LRMDA: variants seen among roughly 807,000 people sequenced by gnomAD.
The protein encoded by LRMDA is leucine rich melanocyte differentiation associated, also known as leucine-rich melanocyte differentiation-associated protein.
A neutral mutation model predicts 29.8 loss-of-function variants in LRMDA; 18 were observed. That is an observed-to-expected ratio of 0.60 (90% CI 0.42 to 0.90). The LOEUF is 0.90. Ranked by LOEUF, LRMDA falls within the 40% of genes least tolerant of loss-of-function variation. The probability of loss-of-function intolerance (pLI) is 0.00; values close to 1 mark genes in which losing one functional copy is unlikely to be tolerated. For synonymous variants in LRMDA, 125 were observed against 109.4 expected (o/e 1.14, Z -0.89); for missense variants, 273 against 273.9 (o/e 1.00, Z 0.02).
At position 76,319,922 on chromosome 10, in the gene LRMDA, A is replaced by G. The variant is rs148030099; in HGVS notation, c.517-4479A>G. ...GTGGGAGATTTATGGCTATTAAACAACTTTGTAGCTGCCCCCTTCTTGTTT... is the reference window on the plus strand; with the variant it reads ...GTGGGAGATTTATGGCTATTAAACAGCTTTGTAGCTGCCCCCTTCTTGTTT... On this transcript the variant is annotated intron_variant, in intron 5 of 6. Transcript: ENST00000611255. Among the ~76,000 whole-genome samples, 149 of 152,252 alleles carry G rather than the reference A, an allele frequency of 9.8e-4. 3 individuals carry two copies. In the East Asian group the frequency reaches 0.024, roughly 25 times the overall value.
In LRMDA at chr10:76,363,760, A is replaced by G. The variant is rs555549255; in HGVS notation, c.601+39275A>G. 5.7e-4 allele frequency among the ~76,000 whole-genome samples: 87 copies of G among 151,738 alleles called. 2 individuals carry two copies. In the Middle Eastern group the frequency reaches 0.014, roughly 24 times the overall value. On this transcript the variant is annotated intron_variant, in intron 6 of 6. Transcript: ENST00000611255. The stretch of plus-strand genomic sequence containing the variant: ...GAACTTCTTTCTTAAAGGCGAAGTT[A>G]TTTATTCTTTGGGTTAAGTCAAACA...
chr10:75,578,235 A>AAAAAAAAAAAAAAAC (rs1840535665), intron 2 of LRMDA, among the ~76,000 whole-genome samples: 2 of 148,108 alleles, frequency 1.4e-5, no homozygotes, highest in Non-Finnish European at 3.0e-5. Context: ...AAAAAAAAAA[A>AAAAAAAAAAAAAAAC]AAAAGCAGCA....
intron 5 of LRMDA, among the ~76,000 whole-genome samples, chr10:76,310,931 G>C (rs1237419744): frequency 2.0e-5 from 3 of 152,200 alleles, no homozygotes; most frequent in African/African-American, 7.2e-5. Flanking sequence ...AAGATTGGCT[G>C]AAACAAATGT....
intron 2 of LRMDA, among the ~76,000 whole-genome samples, chr10:75,965,998 C>CT (rs1451952013): frequency 2.6e-5 from 4 of 152,182 alleles, no homozygotes; most frequent in Non-Finnish European, 5.9e-5. Flanking sequence ...CCCTTATCTC[C>CT]TTAATATCTT....
chr10:75,801,412 A>T (rs1349085580), intron 2 of LRMDA, among the ~76,000 whole-genome samples: 1 of 152,210 alleles, frequency 6.6e-6, no homozygotes. Context: ...TCAAGGGGAA[A>T]AGCCATTTAA....
chr10:76,217,106 T>A (rs889950842), intron 5 of LRMDA, among the ~76,000 whole-genome samples: 1 of 152,072 alleles, frequency 6.6e-6, no homozygotes, highest in African/African-American at 2.4e-5. Context: ...AAAGGAAAAA[T>A]TTTAAAATAC....
At chr10:75,813,010 C>T (rs1019097452) in intron 2 of LRMDA, among the ~76,000 whole-genome samples, 10 of 152,120 alleles carry the variant, frequency 6.6e-5, no homozygotes, top group African/African-American at 2.4e-4. Flanking sequence ...GTGTCAGAGA[C>T]CTGGGAGAGT....
At chr10:76,323,312 G>C (rs1184679064) in intron 5 of LRMDA, among the ~76,000 whole-genome samples, 2 of 151,978 alleles carry the variant, frequency 1.3e-5, no homozygotes, top group Non-Finnish European at 2.9e-5. Context: ...ACTTAGTTTT[G>C]ATTCCTATAA....
At chr10:76,067,258 T>G (rs1371274712) in intron 5 of LRMDA, among the ~76,000 whole-genome samples, 1 of 152,192 alleles carries the variant, frequency 6.6e-6, no homozygotes, top group Non-Finnish European at 1.5e-5. Context: ...TAAGTCTTCC[T>G]AACTGGGCCA....
At chr10:76,390,006 A>G (rs1250668108) in intron 6 of LRMDA, among the ~76,000 whole-genome samples, 5 of 152,210 alleles carry the variant, frequency 3.3e-5, no homozygotes, top group Non-Finnish European at 4.4e-5. Context: ...GTATATATAC[A>G]GATTTAAAAT....
intron 5 of LRMDA, among the ~76,000 whole-genome samples, chr10:76,248,312 G>A (rs1212298105): frequency 6.6e-6 from 1 of 152,130 alleles, no homozygotes; most frequent in Non-Finnish European, 1.5e-5. Context: ...TAGTGTTGAG[G>A]TTGAGATACC....
At chr10:75,593,571 T>C (rs534658143) in intron 2 of LRMDA, among the ~76,000 whole-genome samples, 1 of 152,380 alleles carries the variant, frequency 6.6e-6, no homozygotes, top group Non-Finnish European at 1.5e-5. Flanking sequence ...TACGAATGGA[T>C]AGTTTCAGTT....
At chr10:75,616,243 CAGCAGT>C (rs1226996287) in intron 2 of LRMDA, among the ~76,000 whole-genome samples, 27 of 150,382 alleles carry the variant, frequency 1.8e-4, no homozygotes, top group African/African-American at 6.7e-4. Flanking sequence ...GTAGCAGTAG[CAGCAGT>C]AGCAGCAGCA....
intron 2 of LRMDA, among the ~76,000 whole-genome samples, chr10:76,019,673 T>C (rs1466050257): frequency 6.6e-6 from 1 of 152,172 alleles, no homozygotes; most frequent in East Asian, 1.9e-4. Flanking sequence ...CATTCTTTAT[T>C]GACAGTGTTG....
At chr10:76,106,636 C>T (rs1038846252) in intron 5 of LRMDA, among the ~76,000 whole-genome samples, 2 of 152,158 alleles carry the variant, frequency 1.3e-5, no homozygotes, top group Admixed American at 6.5e-5. Flanking sequence ...AGTCCTGGTG[C>T]GTGCTGGGCT....
intron 2 of LRMDA, among the ~76,000 whole-genome samples, chr10:75,983,808 C>T (rs1044877586): frequency 4.6e-5 from 7 of 152,170 alleles, no homozygotes; most frequent in East Asian, 3.9e-4. Context: ...GCATCCACCA[C>T]CATGCCTGGT....
At chr10:75,596,076 T>G (rs1368291590) in intron 2 of LRMDA, among the ~76,000 whole-genome samples, 2 of 152,242 alleles carry the variant, frequency 1.3e-5, no homozygotes, top group African/African-American at 4.8e-5. Context: ...TGTATCTGTG[T>G]GTATTATCTA....
At chr10:75,692,219 A>AAAATATATATATATAT (rs1353540469) in intron 2 of LRMDA, among the ~76,000 whole-genome samples, 1 of 87,548 alleles carries the variant, frequency 1.1e-5, no homozygotes, top group African/African-American at 5.5e-5. Context: ...AAAAAAAAAA[A>AAAATATATATATATAT]ATATATATAT....
intron 6 of LRMDA, among the ~76,000 whole-genome samples, chr10:76,556,953 A>T (rs2132401571): frequency 6.6e-6 from 1 of 152,296 alleles, no homozygotes; most frequent in African/African-American, 2.4e-5. Context: ...AGCATGTGGA[A>T]GAGAAGTCAT....
Sources: allele counts gnomAD v4.1 joint callset (sites outside exome capture counted in the v4.1 genomes callset), GRCh38; gene constraint gnomAD v4.1.1; transcripts MANE v1.5; gene names NCBI Gene and HGNC (gene_info 2026-07-23, HGNC 2026-07-21).